The following CNTNAP2 variants were observed in gnomAD, a reference collection of about 807,000 sequenced individuals.
CNTNAP2 encodes the protein contactin-associated protein-like 2.
Under a neutral mutation model 155.2 loss-of-function variants are expected in CNTNAP2, and 98 were observed. That is an observed-to-expected ratio of 0.63 (90% CI 0.54 to 0.75). The LOEUF is 0.75. CNTNAP2 is among the 30% of genes least tolerant of loss of function. The probability of loss-of-function intolerance (pLI) is 0.00; values close to 1 mark genes in which losing one functional copy is unlikely to be tolerated. For missense variants in CNTNAP2, 1,727 were observed against 1,688.1 expected (o/e 1.02, Z -0.40); for synonymous variants, 651 against 631.2 (o/e 1.03, Z -0.47).
chr7:146,745,710 A>G (rs1801798078), intron 1 of CNTNAP2, among the ~76,000 whole-genome samples: 1 of 151,610 alleles, frequency 6.6e-6, no homozygotes, highest in Non-Finnish European at 1.5e-5. Context: ...AGATTGCAGT[A>G]AACTGAGATT....
chr7:147,925,154 A>AGAGAGAGAAGGAAG (rs1554450375), intron 14 of CNTNAP2, among the ~76,000 whole-genome samples: 42 of 63,338 alleles, frequency 6.6e-4, no homozygotes, highest in Non-Finnish European at 1.0e-3. Flanking sequence ...AGAGAGAGAG[A>AGAGAGAGAAGGAAG]GAAGGAAGGA....
intron 14 of CNTNAP2, among the ~76,000 whole-genome samples, chr7:147,944,885 C>G (rs1314530398): frequency 1.3e-5 from 2 of 152,138 alleles, no homozygotes; most frequent in Non-Finnish European, 2.9e-5. Flanking sequence ...TTTTTTTAGG[C>G]ACAGCCATTA....
chr7:147,544,376 G>A (rs1017344530), intron 11 of CNTNAP2, among the ~76,000 whole-genome samples: 8 of 152,070 alleles, frequency 5.3e-5, no homozygotes, highest in Non-Finnish European at 1.0e-4. Context: ...AAATTAAGTA[G>A]CAATGAAGCT....
intron 3 of CNTNAP2, among the ~76,000 whole-genome samples, chr7:146,955,594 A>C (rs762232350): frequency 2.6e-5 from 4 of 152,038 alleles, no homozygotes; most frequent in Non-Finnish European, 4.4e-5. Flanking sequence ...GTAATTGTAA[A>C]TATGATAAGT....
intron 1 of CNTNAP2, among the ~76,000 whole-genome samples, chr7:146,433,338 G>A (rs1372066035): frequency 1.9e-4 from 29 of 152,056 alleles, no homozygotes; most frequent in Non-Finnish European, 1.5e-5. Flanking sequence ...AATTCAGAAC[G>A]CGATTTCAGT....
intron 3 of CNTNAP2, among the ~76,000 whole-genome samples, chr7:146,963,774 A>G (rs1797602816): frequency 6.6e-6 from 1 of 152,198 alleles, no homozygotes; most frequent in South Asian, 2.1e-4. Context: ...GTTATCACTA[A>G]GCAATTAAAG....
chr7:146,313,989 A>G (rs1800868385), intron 1 of CNTNAP2, among the ~76,000 whole-genome samples: 1 of 151,334 alleles, frequency 6.6e-6, no homozygotes, highest in Non-Finnish European at 1.5e-5. Context: ...AAAGAAAGAG[A>G]CTCCATCTCA....
At chr7:146,751,605 C>CT (rs961416440) in intron 1 of CNTNAP2, among the ~76,000 whole-genome samples, 38 of 151,162 alleles carry the variant, frequency 2.5e-4, no homozygotes, top group Non-Finnish European at 4.1e-4. Flanking sequence ...TCTAATTCCT[C>CT]TTTTTTTTAT....
chr7:147,575,111 G>GTA (rs1800363908), intron 12 of CNTNAP2, among the ~76,000 whole-genome samples: 1 of 108,890 alleles, frequency 9.2e-6, no homozygotes, highest in African/African-American at 4.8e-5. Flanking sequence ...TGGGAAATGT[G>GTA]TGTGTGTGTG....
At chr7:146,127,019 A>G (rs879653776) in intron 1 of CNTNAP2, among the ~76,000 whole-genome samples, 1 of 151,998 alleles carries the variant, frequency 6.6e-6, no homozygotes, top group Non-Finnish European at 1.5e-5. Flanking sequence ...CAAAACACAA[A>G]TCTTGTTATA....
At chr7:146,960,682 A>G (rs1432802461) in intron 3 of CNTNAP2, among the ~76,000 whole-genome samples, 1 of 152,264 alleles carries the variant, frequency 6.6e-6, no homozygotes, top group South Asian at 2.1e-4. Flanking sequence ...ACTGCAAACA[A>G]TAGACAAATC....
intron 13 of CNTNAP2, among the ~76,000 whole-genome samples, chr7:147,708,978 A>C (rs1796360675): frequency 6.6e-6 from 1 of 151,980 alleles, no homozygotes; most frequent in Admixed American, 6.6e-5. Context: ...CAAGCTAAGA[A>C]CTCCATACAG....
At chr7:146,188,210 T>C (rs1156289191) in intron 1 of CNTNAP2, among the ~76,000 whole-genome samples, 1 of 152,090 alleles carries the variant, frequency 6.6e-6, no homozygotes, top group Non-Finnish European at 1.5e-5. Context: ...CTGATGAACA[T>C]TTGAGTGACT....
At chr7:146,204,312 G>T (rs1798913150) in intron 1 of CNTNAP2, among the ~76,000 whole-genome samples, 1 of 152,118 alleles carries the variant, frequency 6.6e-6, no homozygotes, top group South Asian at 2.1e-4. Flanking sequence ...CTGTGCTTCT[G>T]CTGACTTCTA....
At chr7:146,700,251 C>T (rs1800852827) in intron 1 of CNTNAP2, among the ~76,000 whole-genome samples, 1 of 152,070 alleles carries the variant, frequency 6.6e-6, no homozygotes, top group Non-Finnish European at 1.5e-5. Context: ...TGTGCTGTGA[C>T]TCATTCTGTG....
At chr7:147,980,512 T>A (rs536810338) in intron 15 of CNTNAP2, among the ~76,000 whole-genome samples, 1 of 152,206 alleles carries the variant, frequency 6.6e-6, no homozygotes, top group African/African-American at 2.4e-5. Flanking sequence ...AGAATACTTT[T>A]GTGTCTGTGT....
At chr7:147,651,028 T>G (rs1563039129) in intron 13 of CNTNAP2, among the ~76,000 whole-genome samples, 1 of 152,102 alleles carries the variant, frequency 6.6e-6, no homozygotes, top group Non-Finnish European at 1.5e-5. Flanking sequence ...GGAGGAAAGA[T>G]GAGGAAGGCT....
chr7:147,109,603 G>A (rs573738831), intron 5 of CNTNAP2, among the ~76,000 whole-genome samples: 102 of 152,110 alleles, frequency 6.7e-4, no homozygotes, highest in Non-Finnish European at 1.1e-3. Flanking sequence ...GGAAACAAAA[G>A]AGGTTGTCAA....
intron 2 of CNTNAP2, among the ~76,000 whole-genome samples, chr7:146,821,170 A>G (rs1443221966): frequency 2.6e-5 from 4 of 152,092 alleles, no homozygotes; most frequent in Admixed American, 6.6e-5. Context: ...TTACATTTAA[A>G]GTTAATATTG....
Sources: gnomAD v4.1 joint callset for allele counts (sites outside exome capture counted in the v4.1 genomes callset) on GRCh38, gnomAD v4.1.1 for gene constraint, MANE v1.5 for transcripts, NCBI Gene and HGNC (gene_info 2026-07-23, HGNC 2026-07-21) for gene names.